BLTP1: variants seen among roughly 807,000 people sequenced by gnomAD.
BLTP1 encodes the protein fragile site-associated protein.
At chr4:122,257,420 G>C in the BLTP1 span, 1 of 1,613,872 alleles carries the variant, frequency 6.2e-7, no homozygotes, top group Non-Finnish European at 8.5e-7. Context: ...ACATGAAGAT[G>C]GACTTGGATT....
At chr4:122,293,237 A>G in the BLTP1 span, 1 of 925,660 alleles carries the variant, frequency 1.1e-6, no homozygotes, top group Non-Finnish European at 1.3e-6. Flanking sequence ...TTGACACAAA[A>G]GTAGGACGGT....
the BLTP1 span, chr4:122,330,953 A>G: frequency 1.0e-6 from 1 of 970,318 alleles, no homozygotes; most frequent in Non-Finnish European, 1.2e-6. Context: ...TTTGTTAAAG[A>G]TCACATGGCA....
At chr4:122,195,127 G>T in the BLTP1 span, among the ~76,000 whole-genome samples, 4 of 152,272 alleles carry the variant, frequency 2.6e-5, no homozygotes, top group East Asian at 7.7e-4. Flanking sequence ...CATACAGAAA[G>T]AAATCTCAGC....
At chr4:122,302,172 C>A in the BLTP1 span, 1 of 492,572 alleles carries the variant, frequency 2.0e-6, no homozygotes, top group Non-Finnish European at 2.6e-6. Flanking sequence ...TTAATGTATT[C>A]AATCCATTGA....
chr4:122,242,682 T>C, the BLTP1 span, among the ~76,000 whole-genome samples: 1 of 152,180 alleles, frequency 6.6e-6, no homozygotes, highest in African/African-American at 2.4e-5. Flanking sequence ...TTGGTTTTGC[T>C]AGGAGAAGTC....
At chr4:122,258,756 T>A in the BLTP1 span, 4 of 1,614,000 alleles carry the variant, frequency 2.5e-6, no homozygotes, top group Non-Finnish European at 3.4e-6. Flanking sequence ...GGCCTCCACC[T>A]GGTAGCTCTG....
the BLTP1 span, among the ~76,000 whole-genome samples, chr4:122,265,084 T>G: frequency 1.3e-5 from 2 of 152,092 alleles, no homozygotes; most frequent in Non-Finnish European, 2.9e-5. Context: ...GGCATCATTT[T>G]TTCAGGATAA....
the BLTP1 span, among the ~76,000 whole-genome samples, chr4:122,259,019 T>C: frequency 3.9e-3 from 596 of 152,336 alleles, 2 homozygotes; most frequent in African/African-American, 0.014. Context: ...GTATCATCAG[T>C]AACTGCTGTT....
At chr4:122,256,169 A>G in the BLTP1 span, 27 of 984,886 alleles carry the variant, frequency 2.7e-5, no homozygotes, top group East Asian at 3.4e-4. Flanking sequence ...TTAGGGACCA[A>G]TGTATCAGTA....
At chr4:122,249,171 G>A in the BLTP1 span, 6 of 654,636 alleles carry the variant, frequency 9.2e-6, no homozygotes, top group Non-Finnish European at 1.1e-5. Flanking sequence ...GTGAGATGAT[G>A]AAAGTATTTA....
At chr4:122,254,152 G>A in the BLTP1 span, 2 of 1,589,318 alleles carry the variant, frequency 1.3e-6, no homozygotes, top group Non-Finnish European at 1.7e-6. Flanking sequence ...GTGGTTTTAA[G>A]GGGCTGTATG....
At chr4:122,273,232 T>G in the BLTP1 span, 1 of 970,362 alleles carries the variant, frequency 1.0e-6, no homozygotes, top group Non-Finnish European at 1.2e-6. Context: ...AAACTTACTT[T>G]GAACCTACTT....
the BLTP1 span, chr4:122,197,373 C>T: frequency 1.2e-5 from 12 of 1,014,802 alleles, no homozygotes. Context: ...ATAAGGTTTT[C>T]TTTTTCAGTT....
At chr4:122,355,151 G>T in the BLTP1 span, among the ~76,000 whole-genome samples, 1 of 152,154 alleles carries the variant, frequency 6.6e-6, no homozygotes, top group Non-Finnish European at 1.5e-5. Flanking sequence ...TTTGGGGGAA[G>T]GGGGATCTTT....
chr4:122,300,097 C>T, the BLTP1 span, among the ~76,000 whole-genome samples: 1 of 152,102 alleles, frequency 6.6e-6, no homozygotes, highest in Non-Finnish European at 1.5e-5. Flanking sequence ...CTTCTGCCTC[C>T]TCCTGGGTTC....
At chr4:122,249,353 T>C in the BLTP1 span, 1 of 1,391,584 alleles carries the variant, frequency 7.2e-7, no homozygotes. Context: ...ATTTGCCTGT[T>C]TTTCTATCTT....
the BLTP1 span, chr4:122,180,116 G>A: frequency 2.0e-6 from 2 of 984,940 alleles, no homozygotes; most frequent in Non-Finnish European, 2.4e-6. Flanking sequence ...TGGCTGCATT[G>A]GATTCTTCAG....
the BLTP1 span, chr4:122,292,262 C>T: frequency 1.3e-6 from 1 of 795,186 alleles, no homozygotes; most frequent in Non-Finnish European, 1.5e-6. Context: ...GCCACTGTGC[C>T]CAGCCCATCA....
the BLTP1 span, among the ~76,000 whole-genome samples, chr4:122,304,164 G>A: frequency 6.6e-6 from 1 of 152,096 alleles, no homozygotes; most frequent in African/African-American, 2.4e-5. Context: ...CTAGCAAAAA[G>A]ATTACAACCC....
Sources: gnomAD v4.1 joint callset for allele counts (sites outside exome capture counted in the v4.1 genomes callset) on GRCh38, gnomAD v4.1.1 for gene constraint, MANE v1.5 for transcripts, NCBI Gene and HGNC (gene_info 2026-07-23, HGNC 2026-07-21) for gene names.